Variants in RIMS1 observed in about 807,000 individuals in gnomAD.
RIMS1 encodes regulating synaptic membrane exocytosis 1.
A neutral mutation model predicts 214.1 loss-of-function variants in RIMS1; 83 were observed. The ratio of observed to expected loss-of-function variants is 0.39; its 90% confidence interval spans 0.32 to 0.47. The LOEUF (loss-of-function observed/expected upper bound fraction) is 0.47, where lower values mean the gene tolerates loss of function less well. Ranked by LOEUF, RIMS1 falls within the 20% of genes least tolerant of loss-of-function variation. RIMS1 has a pLI of 0.99. For synonymous variants in RIMS1, 793 were observed against 786.8 expected, an observed-to-expected ratio of 1.01 and a Z score of -0.13; for missense variants, 2,050 against 2,161.8, an observed-to-expected ratio of 0.95 and a Z score of 1.03.
At chr6:72,096,577 T>C (rs1327478319) in intron 2 of RIMS1, among the ~76,000 whole-genome samples, 2 of 152,238 alleles carry the variant, frequency 1.3e-5, no homozygotes, top group African/African-American at 4.8e-5. Flanking sequence ...TTTTGTGTAA[T>C]TTTTGTTTCA....
At position 71,952,483 on chromosome 6, in the gene RIMS1, T is replaced by C. The variant is rs549645824; in HGVS notation, c.165-16500T>C. Among the ~76,000 whole-genome samples, 119 of 152,254 alleles carry C rather than the reference T, an allele frequency of 7.8e-4. 1 individual carries two copies. Among genetic ancestry groups the C allele is most frequent in the African/African-American group, 2.8e-3 (118 of 41,552 alleles). On this transcript the variant is annotated intron_variant, in intron 1 of 33. Coordinates refer to ENST00000521978, the MANE Select transcript of RIMS1 (RefSeq NM_014989.7). The stretch of plus-strand genomic sequence containing the variant: ...TACTACTACAAATTCACTTCTGAAA[T>C]CGGGAAATTCGTGAGGCCCTTGGGA...
intron 2 of RIMS1, among the ~76,000 whole-genome samples, chr6:72,012,892 C>T (rs1184680743): frequency 6.6e-6 from 1 of 152,076 alleles, no homozygotes; most frequent in Non-Finnish European, 1.5e-5. Flanking sequence ...TATGTTGAGA[C>T]CATTCATTTT....
At chr6:72,014,232 C>G (rs945475739) in intron 2 of RIMS1, among the ~76,000 whole-genome samples, 1 of 152,216 alleles carries the variant, frequency 6.6e-6, no homozygotes, top group African/African-American at 2.4e-5. Context: ...ACCATTAGAT[C>G]TTGTGAGAAC....
At chr6:72,279,779 C>A (rs2089091754) in intron 23 of RIMS1, among the ~76,000 whole-genome samples, 1 of 151,912 alleles carries the variant, frequency 6.6e-6, no homozygotes. Flanking sequence ...TTATTAAGGT[C>A]TATCATAGCT....
intron 4 of RIMS1, among the ~76,000 whole-genome samples, chr6:72,108,831 C>G (rs1446894820): frequency 1.4e-5 from 2 of 146,466 alleles, no homozygotes; most frequent in African/African-American, 5.0e-5. Flanking sequence ...GGTATATCTC[C>G]TAAAGCTATC....
chr6:72,274,205 C>A, intron 22 of RIMS1, 144 bp from the exon 23 acceptor site: 1 of 538,968 alleles, frequency 1.9e-6, no homozygotes, highest in Non-Finnish European at 3.4e-6. Context: ...AGGCTTATAA[C>A]AGTGAAGATT....
At chr6:72,044,595 C>T (rs1308160982) in intron 2 of RIMS1, among the ~76,000 whole-genome samples, 1 of 151,786 alleles carries the variant, frequency 6.6e-6, no homozygotes, top group Non-Finnish European at 1.5e-5. Context: ...GGCAAATTAG[C>T]ATATGAAAAG....
intron 4 of RIMS1, among the ~76,000 whole-genome samples, chr6:72,154,108 C>T (rs190415124): frequency 4.6e-5 from 7 of 152,172 alleles, no homozygotes; most frequent in African/African-American, 7.2e-5. Flanking sequence ...CACACACGCA[C>T]GCACTCACAC....
chr6:72,103,798 T>G (rs1482112410), intron 4 of RIMS1, among the ~76,000 whole-genome samples: 1 of 152,160 alleles, frequency 6.6e-6, no homozygotes, highest in African/African-American at 2.4e-5. Context: ...TTTTTATCAA[T>G]GTTTGTTATT....
chr6:72,132,611 A>G (rs983250609), intron 4 of RIMS1, among the ~76,000 whole-genome samples: 11 of 152,176 alleles, frequency 7.2e-5, no homozygotes, highest in African/African-American at 2.7e-4. Context: ...TCATAGCACA[A>G]TTGCTCCAGG....
At chr6:72,260,556 T>C in intron 18 of RIMS1, 149 bp from the exon 19 acceptor site, 1 of 1,038,224 alleles carries the variant, frequency 9.6e-7, no homozygotes, top group South Asian at 1.4e-5. Flanking sequence ...TAAATGCTTT[T>C]ATGTTTATTT....
At chr6:72,226,046 A>G (rs1208813292) in intron 6 of RIMS1, among the ~76,000 whole-genome samples, 1 of 152,182 alleles carries the variant, frequency 6.6e-6, no homozygotes, top group Non-Finnish European at 1.5e-5. Context: ...GTCATTTAAT[A>G]CAGATAATAC....
At chr6:71,976,814 C>A (rs754177280) in intron 2 of RIMS1, among the ~76,000 whole-genome samples, 5 of 151,778 alleles carry the variant, frequency 3.3e-5, no homozygotes, top group Non-Finnish European at 7.4e-5. Flanking sequence ...TATACTTTTC[C>A]CATAGCAGAT....
intron 2 of RIMS1, among the ~76,000 whole-genome samples, chr6:71,997,346 G>C (rs1188112671): frequency 1.3e-5 from 2 of 152,076 alleles, no homozygotes; most frequent in Non-Finnish European, 2.9e-5. Flanking sequence ...TTTGAATACA[G>C]TATCAAAATT....
At chr6:72,304,373 TAC>T (rs1199596521) in intron 26 of RIMS1, among the ~76,000 whole-genome samples, 4 of 151,844 alleles carry the variant, frequency 2.6e-5, no homozygotes. Flanking sequence ...CTGTCTGAGT[TAC>T]AGTTAATTTT....
intron 4 of RIMS1, among the ~76,000 whole-genome samples, chr6:72,145,665 C>A (rs114872231): frequency 0.074 from 11,218 of 152,110 alleles, 463 homozygotes; most frequent in Middle Eastern, 0.099. Flanking sequence ...GTTAGGAACC[C>A]CGTATAAAGA....
At chr6:72,008,069 G>A (rs1808565419) in intron 2 of RIMS1, among the ~76,000 whole-genome samples, 1 of 152,172 alleles carries the variant, frequency 6.6e-6, no homozygotes, top group Admixed American at 6.5e-5. Context: ...AGGGTTGCCA[G>A]AGAGAAAGGT....
At chr6:72,009,978 G>T (rs1389183881) in intron 2 of RIMS1, among the ~76,000 whole-genome samples, 1 of 152,150 alleles carries the variant, frequency 6.6e-6, no homozygotes. Context: ...CATTTTATGA[G>T]GGCAGCATCA....
rs367917949 is a variant in RIMS1 at position 71,908,683 on chromosome 6, C to G, written c.164+21496C>G. 3.3e-5 allele frequency among the ~76,000 whole-genome samples: 5 copies of G among 152,298 alleles called. No individual in the cohort carries two copies. In the East Asian group the frequency reaches 9.7e-4, roughly 29 times the overall value. On this transcript the variant is annotated intron_variant, in intron 1 of 33. Coordinates refer to ENST00000521978, the MANE Select transcript of RIMS1 (RefSeq NM_014989.7). The stretch of plus-strand genomic sequence containing the variant: ...GGAAGAGGATGCTGCGTTGGCAGCA[C>G]AGTCATTGGTAAATTTTGAACACCC...
Sources: gnomAD v4.1 joint callset for allele counts (sites outside exome capture counted in the v4.1 genomes callset) on GRCh38, gnomAD v4.1.1 for gene constraint, MANE v1.5 for transcripts, NCBI Gene and HGNC (gene_info 2026-07-23, HGNC 2026-07-21) for gene names.